The following MALRD1 variants were observed in gnomAD, a reference collection of about 807,000 sequenced individuals.
MALRD1 encodes MAM and LDL-receptor class A domain-containing protein 1.
Under a neutral mutation model 242.1 loss-of-function variants are expected in MALRD1, and 247 were observed. The observed-to-expected ratio is 1.02, with a 90% confidence interval of 0.92 to 1.13. MALRD1 has a LOEUF of 1.13. Among genes scored for constraint, MALRD1 ranks in the 50% most tolerant of loss-of-function variants. The pLI, the probability that MALRD1 is intolerant of heterozygous loss-of-function variation, is 0.00. For synonymous variants in MALRD1, 995 were observed against 866.6 expected (o/e 1.15, Z -2.60); for missense variants, 2,989 against 2,533.1 (o/e 1.18, Z -3.86).
chr10:19,659,165 T>C (rs1564522063), intron 36 of MALRD1, among the ~76,000 whole-genome samples: 1 of 152,204 alleles, frequency 6.6e-6, no homozygotes, highest in East Asian at 1.9e-4. Flanking sequence ...GTCAGTTGCT[T>C]TAGCCTTTAT....
chr10:19,719,660 G>A (rs1834649127), intron 38 of MALRD1, among the ~76,000 whole-genome samples: 1 of 151,984 alleles, frequency 6.6e-6, no homozygotes, highest in Admixed American at 6.6e-5. Context: ...GCGTTTTGTG[G>A]CATTTCTGGT....
chr10:19,449,702 T>C (rs991535143), intron 28 of MALRD1, among the ~76,000 whole-genome samples: 1 of 152,114 alleles, frequency 6.6e-6, no homozygotes, highest in Non-Finnish European at 1.5e-5. Context: ...TTGGAGGTTT[T>C]ATAAAAGAGA....
chr10:19,280,296 C>T (rs1016725773), intron 20 of MALRD1, 73 bp downstream of exon 20: 6 of 1,192,626 alleles, frequency 5.0e-6, no homozygotes, highest in Non-Finnish European at 6.7e-6. Context: ...CTAAGTAGCA[C>T]AGCCTAGCAT....
chr10:19,621,312 C>A (rs1431757402), intron 36 of MALRD1, among the ~76,000 whole-genome samples: 2 of 126,022 alleles, frequency 1.6e-5, no homozygotes, highest in South Asian at 2.5e-4. Context: ...ACATGCAACA[C>A]TTTAATTTAA....
At chr10:19,065,651 C>G (rs1186354562) in intron 1 of MALRD1, among the ~76,000 whole-genome samples, 3 of 152,128 alleles carry the variant, frequency 2.0e-5, no homozygotes, top group Non-Finnish European at 4.4e-5. Flanking sequence ...TTGAGATCAT[C>G]TATTTTTAGA....
chr10:19,602,441 C>A (rs751637121), intron 34 of MALRD1, among the ~76,000 whole-genome samples: 1 of 147,592 alleles, frequency 6.8e-6, no homozygotes, highest in African/African-American at 2.6e-5. Context: ...TGAGAACACG[C>A]GGTGTTTGTT....
At chr10:19,448,258 A>T (rs556388965) in intron 28 of MALRD1, among the ~76,000 whole-genome samples, 1 of 151,984 alleles carries the variant, frequency 6.6e-6, no homozygotes, top group East Asian at 1.9e-4. Context: ...CTATAAATCT[A>T]TTGGAACATT....
chr10:19,189,493 G>T lies in MALRD1; in HGVS notation c.1951+14165G>T, dbSNP rs149486884. On this transcript the variant is annotated intron_variant, in intron 14 of 39. Coordinates refer to ENST00000454679, the MANE Select transcript of MALRD1 (RefSeq NM_001142308.3). The stretch of plus-strand genomic sequence containing the variant: ...CAGCATTACCCTGAGACTCAAGCCA[G>T]ACAAAGAGACTGCAAAAAAAACTAT... 2.2e-3 allele frequency among the ~76,000 whole-genome samples: 308 copies of T among 138,052 alleles called. 13 individuals carry two copies. In the East Asian group the frequency reaches 0.051, roughly 23 times the overall value. 90.6% of individuals were successfully genotyped at this position (138,052 alleles called of 152,430 possible).
intron 33 of MALRD1, among the ~76,000 whole-genome samples, chr10:19,587,317 CA>C (rs1211265230): frequency 6.6e-6 from 1 of 152,212 alleles, no homozygotes; most frequent in African/African-American, 2.4e-5. Context: ...CCATTTGTAA[CA>C]GGTGCATTAT....
intron 36 of MALRD1, among the ~76,000 whole-genome samples, chr10:19,629,363 G>C (rs1839812330): frequency 6.6e-6 from 1 of 152,138 alleles, no homozygotes; most frequent in Admixed American, 6.6e-5. Flanking sequence ...TGACTGTTAA[G>C]TAGATATTTC....
Position 19,231,095 on chromosome 10 carries a change from T to C in MALRD1, c.2991+21415T>C, listed in dbSNP as rs747304163. Among the ~76,000 whole-genome samples, 4 of 152,302 alleles carry C rather than the reference T, an allele frequency of 2.6e-5. No individual in the cohort carries two copies. The South Asian group carries it at 8.3e-4, about 32-fold the overall frequency. On this transcript the variant is annotated intron_variant, in intron 18 of 39. Transcript: ENST00000454679. ...TAGAATTTATTCTCAGGAGATCTAA[T>C]TAATAACTTGTCAAGCTGATGTCCA...
At chr10:19,178,583 GA>G (rs1835359046) in intron 14 of MALRD1, among the ~76,000 whole-genome samples, 1 of 152,208 alleles carries the variant, frequency 6.6e-6, no homozygotes. Context: ...TCCGCGTGAT[GA>G]AAATCGCAAG....
In MALRD1 at chr10:19,656,248, C is replaced by T. The variant is rs140679733; in HGVS notation, c.6138-36034C>T. Among the ~76,000 whole-genome samples the T allele has an allele frequency of 3.5e-3, 533 of 152,150 alleles. 2 individuals are homozygous for T. Among genetic ancestry groups the T allele is most frequent in the African/African-American group, 0.012 (506 of 41,534 alleles). ...CTTGAGGTGTTTAGAGACTCCAAGCCATTCTTGGATTTATTTATGCTAACC... is the reference window on the plus strand; with the variant it reads ...CTTGAGGTGTTTAGAGACTCCAAGCTATTCTTGGATTTATTTATGCTAACC... On this transcript the variant is annotated intron_variant, in intron 36 of 39. Transcript: ENST00000454679.
At chr10:19,643,516 GATTA>G (rs147441203) in intron 36 of MALRD1, among the ~76,000 whole-genome samples, 8,516 of 152,182 alleles carry the variant, frequency 0.056, 283 homozygotes, top group Middle Eastern at 0.11. Flanking sequence ...AAAGTTAATT[GATTA>G]ATTGACTAAA....
intron 26 of MALRD1, among the ~76,000 whole-genome samples, chr10:19,377,854 C>A (rs962272487): frequency 4.6e-5 from 7 of 151,880 alleles, no homozygotes; most frequent in Non-Finnish European, 7.4e-5. Flanking sequence ...AATATAATTT[C>A]CTTTCAGTGG....
intron 28 of MALRD1, among the ~76,000 whole-genome samples, chr10:19,430,460 G>A (rs977644972): frequency 1.3e-5 from 2 of 151,696 alleles, no homozygotes; most frequent in Non-Finnish European, 2.9e-5. Context: ...TTCACCTTCC[G>A]AGGCCCATTT....
chr10:19,477,519 A>G (rs1836794087), intron 29 of MALRD1, among the ~76,000 whole-genome samples: 1 of 152,186 alleles, frequency 6.6e-6, no homozygotes, highest in Non-Finnish European at 1.5e-5. Context: ...TTGGTCATGA[A>G]GTGGCATCAT....
intron 28 of MALRD1, among the ~76,000 whole-genome samples, chr10:19,396,639 T>C (rs1475450243): frequency 6.6e-6 from 1 of 152,228 alleles, no homozygotes; most frequent in Non-Finnish European, 1.5e-5. Context: ...TATACTCAAC[T>C]TCTGCTATTA....
chr10:19,340,971 C>T (rs888298732), intron 24 of MALRD1, among the ~76,000 whole-genome samples: 1 of 152,018 alleles, frequency 6.6e-6, no homozygotes, highest in African/African-American at 2.4e-5. Context: ...AAGCATTGCT[C>T]TCAATAATAC....
Sources: allele counts gnomAD v4.1 joint callset (sites outside exome capture counted in the v4.1 genomes callset), GRCh38; gene constraint gnomAD v4.1.1; transcripts MANE v1.5; gene names NCBI Gene and HGNC (gene_info 2026-07-23, HGNC 2026-07-21).